Variants in SLC8A1 observed in about 807,000 individuals in gnomAD.
SLC8A1 encodes solute carrier family 8 member A1, also known as sodium/calcium exchanger 1.
In SLC8A1, 18 loss-of-function variants were observed where a neutral mutation model predicts 68.3. That is an observed-to-expected ratio of 0.26 (90% confidence interval 0.18 to 0.39). The LOEUF (loss-of-function observed/expected upper bound fraction) is 0.39. SLC8A1 is among the 10% of genes least tolerant of loss of function. The pLI, the probability that SLC8A1 is intolerant of heterozygous loss-of-function variation, is 1.00. For missense variants in SLC8A1, 985 were observed against 1,156.7 expected, an observed-to-expected ratio of 0.85 and a Z score of 2.15; for synonymous variants, 475 against 415.5, an observed-to-expected ratio of 1.14 and a Z score of -1.74.
At chr2:40,333,593 C>A (rs2076663358) in intron 2 of SLC8A1, among the ~76,000 whole-genome samples, 1 of 152,066 alleles carries the variant, frequency 6.6e-6, no homozygotes, top group Non-Finnish European at 1.5e-5. Flanking sequence ...GCTTATTCTA[C>A]TTTGTGGTAG....
intron 2 of SLC8A1, among the ~76,000 whole-genome samples, chr2:40,409,798 G>GT (rs1025794689): frequency 6.6e-6 from 1 of 152,138 alleles, no homozygotes; most frequent in Non-Finnish European, 1.5e-5. Context: ...AGAAAAGGCA[G>GT]TGAGAATGTA....
At chr2:40,130,552 G>T (rs2039117155) in intron 7 of SLC8A1, among the ~76,000 whole-genome samples, 1 of 152,248 alleles carries the variant, frequency 6.6e-6, no homozygotes, top group Admixed American at 6.5e-5. Context: ...TGGCCTGACT[G>T]CAGATCTGAG....
At chr2:40,499,797 C>T (rs1000039932) in intron 1 of SLC8A1, among the ~76,000 whole-genome samples, 10 of 152,158 alleles carry the variant, frequency 6.6e-5, no homozygotes, top group Admixed American at 2.6e-4. Context: ...TGTCAATAAC[C>T]GAGTCAGAAT....
chr2:40,122,558 C>G (rs992342308), intron 7 of SLC8A1, among the ~76,000 whole-genome samples: 3 of 152,186 alleles, frequency 2.0e-5, no homozygotes, highest in Non-Finnish European at 4.4e-5. Flanking sequence ...AAATGAGAGT[C>G]AGCAGGACAA....
chr2:40,358,385 C>T (rs748360936), intron 2 of SLC8A1, among the ~76,000 whole-genome samples: 12 of 152,004 alleles, frequency 7.9e-5, no homozygotes, highest in Non-Finnish European at 1.6e-4. Context: ...GACATCTTGA[C>T]AGCAAAAGAA....
intron 7 of SLC8A1, among the ~76,000 whole-genome samples, chr2:40,131,108 G>A (rs2039239379): frequency 6.6e-6 from 1 of 152,144 alleles, no homozygotes; most frequent in African/African-American, 2.4e-5. Context: ...TCTCTCTCAT[G>A]TAATCCTCAC....
At chr2:40,424,464 A>T (rs887648346) in intron 2 of SLC8A1, among the ~76,000 whole-genome samples, 7 of 151,622 alleles carry the variant, frequency 4.6e-5, no homozygotes, top group Non-Finnish European at 7.4e-5. Context: ...TACTACTGAA[A>T]TTTTTTTTCC....
intron 2 of SLC8A1, among the ~76,000 whole-genome samples, chr2:40,307,486 T>C (rs2072874727): frequency 6.6e-6 from 1 of 152,198 alleles, no homozygotes; most frequent in African/African-American, 2.4e-5. Context: ...TACTTAACAC[T>C]ATTGAACTGT....
chr2:40,230,347 G>A (rs2148892120), intron 2 of SLC8A1, among the ~76,000 whole-genome samples: 1 of 152,166 alleles, frequency 6.6e-6, no homozygotes, highest in South Asian at 2.1e-4. Context: ...AACACTTCCT[G>A]GAATGCTGTT....
intron 2 of SLC8A1, among the ~76,000 whole-genome samples, chr2:40,391,200 A>ACGTATATATATACACACACG (rs1274436441): frequency 6.6e-6 from 1 of 151,442 alleles, no homozygotes; most frequent in African/African-American, 2.4e-5. Context: ...TTACACACAC[A>ACGTATATATATACACACACG]CATATGTCTG....
At chr2:40,162,745 C>T (rs1192753470) in intron 5 of SLC8A1, among the ~76,000 whole-genome samples, 3 of 152,110 alleles carry the variant, frequency 2.0e-5, no homozygotes, top group Non-Finnish European at 4.4e-5. Context: ...TTCCTAAATG[C>T]TTGTGATCAG....
intron 2 of SLC8A1, among the ~76,000 whole-genome samples, chr2:40,254,137 C>G (rs556974408): frequency 4.6e-5 from 7 of 152,006 alleles, no homozygotes; most frequent in Non-Finnish European, 8.8e-5. Context: ...CACACATACT[C>G]TACTCTAGAA....
At chr2:40,144,099 C>T (rs1267295589) in intron 6 of SLC8A1, among the ~76,000 whole-genome samples, 1 of 152,126 alleles carries the variant, frequency 6.6e-6, no homozygotes, top group Non-Finnish European at 1.5e-5. Context: ...ATTATTGTTA[C>T]TTGTCTGAAG....
rs994807776 is a variant in SLC8A1, at chr2:40,127,906, G to A, written c.2437+11495C>T. Among the ~76,000 whole-genome samples, 6 of 152,242 alleles carry A rather than the reference G, an allele frequency of 3.9e-5. No homozygotes were observed. In the East Asian group the frequency reaches 9.6e-4, roughly 24 times the overall value. On this transcript the variant is annotated intron_variant, in intron 7 of 7. Coordinates refer to ENST00000406785, the Ensembl canonical transcript of SLC8A1. The stretch of plus-strand genomic sequence containing the variant: ...GAGCTGAACAAAGGTTATAAAATAC[G>A]GGCACTAACGGAGTTAGTGTTTTTA...
chr2:40,411,458 T>C (rs7598773), intron 2 of SLC8A1, among the ~76,000 whole-genome samples: 57,792 of 151,772 alleles, frequency 0.38, 11,261 homozygotes, highest in Middle Eastern at 0.47. Context: ...ACCATGTCTA[T>C]AAATTTTGGT....
chr2:40,462,001 C>CTTTTTTTTTTTTTTTTTTTTTTT lies in SLC8A1; in HGVS notation c.-24-31720_-24-31698dup, dbSNP rs370223854. ...CCTCTCATTTTAAAGTAAAATCCTC[C>CTTTTTTTTTTTTTTTTTTTTTTT]TTTTTTTTTTTTTTTTTTTTTTTGA... is the stretch of plus-strand genomic sequence containing the variant. On this transcript the variant is annotated intron_variant, in intron 1 of 7. Transcript: ENST00000402441. Among the ~76,000 whole-genome samples, 138 of 66,158 alleles carry CTTTTTTTTTTTTTTTTTTTTTTT rather than the reference C, an allele frequency of 2.1e-3. 20 individuals carry two copies. Among genetic ancestry groups the CTTTTTTTTTTTTTTTTTTTTTTT allele is most frequent in the African/African-American group, 6.3e-3 (103 of 16,480 alleles). 43.4% of individuals were successfully genotyped at this position (66,158 alleles called of 152,430 possible).
At chr2:40,360,365 T>C (rs2149477551) in intron 2 of SLC8A1, among the ~76,000 whole-genome samples, 1 of 152,258 alleles carries the variant, frequency 6.6e-6, no homozygotes, top group South Asian at 2.1e-4. Flanking sequence ...TACATTTAAG[T>C]TAAAGCTTTT....
chr2:40,248,105 C>G (rs1239994714), intron 2 of SLC8A1, among the ~76,000 whole-genome samples: 2 of 152,114 alleles, frequency 1.3e-5, no homozygotes, highest in African/African-American at 2.4e-5. Flanking sequence ...AAAAACTGCA[C>G]TCCATGGAGT....
In SLC8A1 at chr2:40,259,373, C is replaced by A. The variant is rs79352534; in HGVS notation, c.1809-81518G>T. On this transcript the variant is annotated intron_variant, in intron 2 of 7. Transcript: ENST00000406785. ...GAGATCCACTTAACAGAAGTCCTAC[C>A]CTCTAGATATTGCCTTATTTGAAAA... Among the ~76,000 whole-genome samples, 3 of 152,322 alleles carry A rather than the reference C, an allele frequency of 2.0e-5. No individual in the cohort carries two copies. In the East Asian group the frequency reaches 5.8e-4, roughly 29 times the overall value.
Sources: allele counts gnomAD v4.1 joint callset (sites outside exome capture counted in the v4.1 genomes callset), GRCh38; gene constraint gnomAD v4.1.1; transcripts MANE v1.5; gene names NCBI Gene and HGNC (gene_info 2026-07-23, HGNC 2026-07-21).